PTPRN2: variants seen among roughly 807,000 people sequenced by gnomAD.
PTPRN2 encodes the protein receptor-type tyrosine-protein phosphatase N2.
In PTPRN2, 74 loss-of-function variants were observed where a neutral mutation model predicts 118.8. That is an observed-to-expected ratio of 0.62 (90% confidence interval 0.52 to 0.76). PTPRN2 has a LOEUF of 0.76. Ranked by LOEUF, PTPRN2 falls within the 30% of genes least tolerant of loss-of-function variation. The pLI, the probability that PTPRN2 is intolerant of heterozygous loss-of-function variation, is 0.00. For missense variants in PTPRN2, 1,481 were observed against 1,394.4 expected (o/e 1.06, Z -0.99); for synonymous variants, 641 against 608.0 (o/e 1.05, Z -0.80).
chr7:157,758,667 G>A (rs568811953), intron 12 of PTPRN2, among the ~76,000 whole-genome samples: 2 of 152,286 alleles, frequency 1.3e-5, no homozygotes, highest in South Asian at 2.1e-4. Context: ...ATCCCGCGGT[G>A]TCCTTGCTTT....
At chr7:158,507,194 C>T (rs577980242) in intron 1 of PTPRN2, among the ~76,000 whole-genome samples, 13 of 152,318 alleles carry the variant, frequency 8.5e-5, no homozygotes, top group South Asian at 6.2e-4. Flanking sequence ...CAGTGAGGAC[C>T]GTCCAGGGGA....
At chr7:158,374,410 T>C (rs1365109979) in intron 2 of PTPRN2, among the ~76,000 whole-genome samples, 2 of 152,142 alleles carry the variant, frequency 1.3e-5, no homozygotes, top group Non-Finnish European at 2.9e-5. Context: ...AACCAGACCC[T>C]GCAGCTCCTC....
intron 2 of PTPRN2, among the ~76,000 whole-genome samples, chr7:158,469,371 G>C (rs970921178): frequency 1.2e-4 from 19 of 152,146 alleles, no homozygotes; most frequent in African/African-American, 4.1e-4. Context: ...AACCCCAGGA[G>C]GGGGAGGTTG....
At chr7:158,445,535 C>G (rs1217673481) in intron 2 of PTPRN2, among the ~76,000 whole-genome samples, 1 of 152,246 alleles carries the variant, frequency 6.6e-6, no homozygotes, top group Non-Finnish European at 1.5e-5. Context: ...GTCAGAGGCT[C>G]TGGAGGGCCT....
rs192212653 is a variant in PTPRN2, at chr7:158,034,221, A to G, written c.1723+47077T>C. Among the ~76,000 whole-genome samples, 14 of 146,828 alleles carry G rather than the reference A, an allele frequency of 9.5e-5. 1 individual carries two copies. Among genetic ancestry groups the G allele is most frequent in the Admixed American group, 9.3e-4 (14 of 15,080 alleles). ...TGCGTGTGGCTGGCTGCACACTGAG[A>G]CCTCAATAGAAACTCTGCATGCTGA... is the stretch of plus-strand genomic sequence containing the variant. On this transcript the variant is annotated intron_variant, in intron 11 of 22. Coordinates refer to ENST00000389418, the MANE Select transcript of PTPRN2 (RefSeq NM_002847.5).
intron 12 of PTPRN2, among the ~76,000 whole-genome samples, chr7:157,721,648 G>C (rs1799241237): frequency 6.6e-6 from 1 of 152,194 alleles, no homozygotes; most frequent in African/African-American, 2.4e-5. Context: ...TGCTGCATGG[G>C]AGGAAGGTGG....
chr7:157,982,396 A>C (rs1216681559), intron 11 of PTPRN2, among the ~76,000 whole-genome samples: 5 of 134,164 alleles, frequency 3.7e-5, no homozygotes, highest in South Asian at 2.8e-4. Flanking sequence ...TGCAGAGTGC[A>C]GGGTCCCCCC....
chr7:158,175,969 G>C (rs139764221), intron 5 of PTPRN2, among the ~76,000 whole-genome samples: 1 of 148,942 alleles, frequency 6.7e-6, no homozygotes, highest in East Asian at 2.0e-4. Context: ...ATCTCACCCC[G>C]CCCTGCTGAG....
intron 9 of PTPRN2, among the ~76,000 whole-genome samples, chr7:158,118,549 T>C (rs1464728839): frequency 6.6e-6 from 1 of 152,134 alleles, no homozygotes; most frequent in Non-Finnish European, 1.5e-5. Context: ...CTCCTCATCA[T>C]TAATTACTTT....
chr7:158,348,867 ACG>A, intron 2 of PTPRN2, among the ~76,000 whole-genome samples: 1 of 151,996 alleles, frequency 6.6e-6, no homozygotes, highest in Non-Finnish European at 1.5e-5. Flanking sequence ...AGGGTGGCCC[ACG>A]TCACTGCACC....
chr7:158,053,812 G>GGCAGAGACCCCAGAGAT (rs1563365905), intron 11 of PTPRN2, among the ~76,000 whole-genome samples: 13 of 113,452 alleles, frequency 1.1e-4, no homozygotes, highest in African/African-American at 4.4e-4. Context: ...ACTCCAGAGA[G>GGCAGAGACCCCAGAGAT]GCAGAGACCC....
At chr7:157,738,705 T>C (rs1373842163) in intron 12 of PTPRN2, among the ~76,000 whole-genome samples, 1 of 152,252 alleles carries the variant, frequency 6.6e-6, no homozygotes, top group Non-Finnish European at 1.5e-5. Context: ...TGTTTCTGGA[T>C]ACGTGCTTGT....
In PTPRN2 at chr7:157,729,746, C is replaced by T. The variant is rs1013754849; in HGVS notation, c.1789-46809G>A. Among the ~76,000 whole-genome samples the T allele has an allele frequency of 1.3e-5, 2 of 152,198 alleles. No homozygotes were observed. The highest frequency in any genetic ancestry group is 2.4e-5 in the African/African-American group (1 of 41,448). On this transcript the variant is annotated intron_variant, in intron 12 of 22. Transcript: ENST00000389418. This position sits in a 1 kb window ranked among gnomAD's most constrained non-coding sequence, Gnocchi z 4.3. ...ACCCAGGAAGAGGGCTGAGGTCTCA[C>T]GCCTGGCAGAGATGGTGCCCAGGTA...
rs1585931104 is a variant in PTPRN2, at chr7:158,236,790, C to CCACTTCACCGCCACCCA, written c.278-31518_278-31517insTGGGTGGCGGTGAAGTG. Among the ~76,000 whole-genome samples, 423 of 69,826 alleles carry CCACTTCACCGCCACCCA rather than the reference C, an allele frequency of 6.1e-3. 110 individuals are homozygous for CCACTTCACCGCCACCCA. The highest frequency in any genetic ancestry group is 0.017 in the Middle Eastern group (2 of 120). 45.8% of individuals were successfully genotyped at this position (69,826 alleles called of 152,430 possible). A position where few individuals can be genotyped will look rare whatever the true frequency, so the allele number is the denominator to read the frequency against. ...AACCTGTCCCTGCCCGACCACTCTG[C>CCACTTCACCGCCACCCA]TGTGGGGAAAAGCAAGAGAGATCAG... On this transcript the variant is annotated intron_variant, in intron 3 of 22. Transcript: ENST00000389418.
intron 14 of PTPRN2, among the ~76,000 whole-genome samples, chr7:157,648,943 C>G (rs916078174): frequency 1.4e-5 from 2 of 146,866 alleles, no homozygotes; most frequent in Non-Finnish European, 3.0e-5. Flanking sequence ...GTGGGTCAGA[C>G]CCATCCAGTG....
intron 1 of PTPRN2, among the ~76,000 whole-genome samples, chr7:158,559,633 C>T (rs1827251283): frequency 6.6e-6 from 1 of 152,198 alleles, no homozygotes; most frequent in Non-Finnish European, 1.5e-5. Context: ...TTCAGGGCCC[C>T]CTCTGAGGCT....
chr7:158,402,204 G>T (rs1036368843), intron 2 of PTPRN2, among the ~76,000 whole-genome samples: 5 of 152,190 alleles, frequency 3.3e-5, no homozygotes, highest in African/African-American at 9.7e-5. Flanking sequence ...CATACATCTT[G>T]TGGGACTCAG....
At position 158,442,394 on chromosome 7, in the gene PTPRN2, T is replaced by C. The variant is rs1817414516; in HGVS notation, c.163+47341A>G. 2.0e-5 allele frequency among the ~76,000 whole-genome samples: 3 copies of C among 152,160 alleles called. No individual in the cohort carries two copies. In the South Asian group the frequency reaches 6.2e-4, roughly 31 times the overall value. On this transcript the variant is annotated intron_variant, in intron 2 of 22. Coordinates refer to ENST00000389418, the MANE Select transcript of PTPRN2 (RefSeq NM_002847.5). ...AAGTGACCAGTTACCTATTCATGGT[T>C]ATCATCTGCATGATGAAGAAACACT...
intron 2 of PTPRN2, among the ~76,000 whole-genome samples, chr7:158,327,263 G>A (rs1428265055): frequency 6.7e-6 from 1 of 148,750 alleles, no homozygotes; most frequent in Non-Finnish European, 1.5e-5. Context: ...ATTCTCACAT[G>A]CACACACGTG....
Sources: allele counts gnomAD v4.1 joint callset (sites outside exome capture counted in the v4.1 genomes callset), GRCh38; gene constraint gnomAD v4.1.1; non-coding constraint Gnocchi (gnomAD v3.1); transcripts MANE v1.5; gene names NCBI Gene and HGNC (gene_info 2026-07-23, HGNC 2026-07-21).